The following PDCD5 variants were observed in gnomAD, a reference collection of about 807,000 sequenced individuals.
PDCD5 encodes programmed cell death protein 5.
Under a neutral mutation model 21.9 loss-of-function variants are expected in PDCD5, and 23 were observed. The ratio of observed to expected loss-of-function variants is 1.05; its 90% CI spans 0.76 to 1.49. PDCD5 has a LOEUF of 1.49. Ranked by LOEUF, PDCD5 falls within the 40% of genes most tolerant of loss-of-function variation. The probability of loss-of-function intolerance (pLI) is 0.00; values close to 1 mark genes in which losing one functional copy is unlikely to be tolerated. For synonymous variants in PDCD5, 45 were observed against 49.4 expected (o/e 0.91, Z 0.37); for missense variants, 152 against 147.7 (o/e 1.03, Z -0.15).
chr19:32,586,831 T>TTTTC lies in PDCD5; in HGVS notation c.259-24_259-21dup, dbSNP rs145543278. On this transcript the variant is annotated intron_variant, in intron 4 of 5. Coordinates refer to ENST00000590247, the MANE Select transcript of PDCD5 (RefSeq NM_004708.4). ...AATTCTTTGTTTAAAAAAGTACTGT[T>TTTTC]TTTCTTATCTTTTCTGGTTCTCCTA... is the stretch of plus-strand genomic sequence containing the variant. The TTTTC allele has an allele frequency of 4.3e-3, 6,789 of 1,591,914 alleles. 143 individuals are homozygous for TTTTC. The East Asian group carries it at 0.064, about 15-fold the overall frequency.
intron 2 of PDCD5, among the ~76,000 whole-genome samples, chr19:32,583,079 C>T (rs1023355676): frequency 1.3e-5 from 2 of 152,146 alleles, no homozygotes; most frequent in Non-Finnish European, 2.9e-5. Flanking sequence ...CAGATTCTTC[C>T]AGAGGGGATT....
intron 5 of PDCD5, 119 bp downstream of exon 5, chr19:32,587,048 G>T: frequency 1.0e-6 from 1 of 998,730 alleles, no homozygotes; most frequent in Non-Finnish European, 1.5e-6. Context: ...TGTCAAACAC[G>T]TGAAAGTTTG....
intron 1 of PDCD5, 72 bp from the exon 2 acceptor site, chr19:32,582,123 C>A: frequency 1.9e-6 from 2 of 1,065,280 alleles, no homozygotes; most frequent in Non-Finnish European, 2.9e-6. Flanking sequence ...GTATAGGAAA[C>A]AACAGAACCG....
Position 32,581,247 on chromosome 19 carries a change from C to CGGCTGCGAGAGTGACCGCG in PDCD5, c.-14_-13insGCTGCGAGAGTGACCGCGG. 1 of 1,493,942 alleles carries CGGCTGCGAGAGTGACCGCG rather than the reference C, an allele frequency of 6.7e-7. No homozygotes were observed. Among genetic ancestry groups the CGGCTGCGAGAGTGACCGCG allele is most frequent in the Non-Finnish European group, 8.9e-7 (1 of 1,120,880 alleles). The allele number at this position is 1,493,942 out of a possible 1,614,324, so 92.5% of individuals were successfully genotyped here. A position where few individuals can be genotyped will look rare whatever the true frequency, so the allele number is the denominator to read the frequency against. ...GCGAGAGTGACCGCGGCTGCTCCAG[C>CGGCTGCGAGAGTGACCGCG]GCTGACGCCGAGCCATGGCGGACGA... On this transcript the variant is annotated 5_prime_UTR_variant, in exon 1 of 6. Coordinates refer to ENST00000590247, the MANE Select transcript of PDCD5 (RefSeq NM_004708.4).
chr19:32,586,824 G>C, intron 4 of PDCD5, 34 bp from the exon 5 acceptor site: 1 of 1,589,568 alleles, frequency 6.3e-7, no homozygotes, highest in Non-Finnish European at 8.5e-7. Context: ...GTTTAAAAAA[G>C]TACTGTTTTT....
intron 4 of PDCD5, chr19:32,586,180 G>A: frequency 6.9e-7 from 1 of 1,449,944 alleles, no homozygotes; most frequent in South Asian, 1.5e-5. Context: ...CCCCTGCACT[G>A]GAAGCAAGGT....
chr19:32,586,178 C>CTG (rs1286919514), intron 4 of PDCD5: 42 of 1,451,316 alleles, frequency 2.9e-5, no homozygotes, highest in Non-Finnish European at 3.8e-5. Flanking sequence ...TGCCCCTGCA[C>CTG]TGGAAGCAAG....
chr19:32,585,518 T>C (rs1479836261), intron 3 of PDCD5, among the ~76,000 whole-genome samples: 3 of 152,310 alleles, frequency 2.0e-5, no homozygotes, highest in East Asian at 1.9e-4. Context: ...TTATGTGTAA[T>C]AGATAAACCG....
At chr19:32,586,989 G>A in intron 5 of PDCD5, 60 bp downstream of exon 5, 1 of 1,320,758 alleles carries the variant, frequency 7.6e-7, no homozygotes, top group Non-Finnish European at 1.1e-6. Context: ...GATTAATGTT[G>A]AGTATACATC....
Position 32,584,890 on chromosome 19 carries a change from G to A in PDCD5, c.105-60G>A, listed in dbSNP as rs1466592401. 4.4e-6 allele frequency: 6 copies of A among 1,373,564 alleles called. No individual in the cohort carries two copies. The East Asian group carries it at 9.1e-5, about 21-fold the overall frequency. 85.1% of individuals were successfully genotyped at this position (1,373,564 alleles called of 1,614,324 possible). ...ATACTGGATGGGTTCTTTCTCGTATGTTACATGGGAATGCCGACAGCTGTG... is the reference window on the plus strand; with the variant it reads ...ATACTGGATGGGTTCTTTCTCGTATATTACATGGGAATGCCGACAGCTGTG... On this transcript the variant is annotated intron_variant, in intron 2 of 5. Coordinates refer to ENST00000590247, the MANE Select transcript of PDCD5 (RefSeq NM_004708.4).
Position 32,581,251 on chromosome 19 carries a change from G to A in PDCD5, c.-11G>A. ...GAGTGACCGCGGCTGCTCCAGCGCT[G>A]ACGCCGAGCCATGGCGGACGAGGAG... is the stretch of plus-strand genomic sequence containing the variant. On this transcript the variant is annotated 5_prime_UTR_variant, in exon 1 of 6. Transcript: ENST00000590247. The A allele has an allele frequency of 6.7e-7, 1 of 1,500,272 alleles. No individual in the cohort carries two copies. Among genetic ancestry groups the A allele is most frequent in the Non-Finnish European group, 8.9e-7 (1 of 1,125,304 alleles). The allele number at this position is 1,500,272 out of a possible 1,614,324, so 92.9% of individuals were successfully genotyped here. A position where few individuals can be genotyped will look rare whatever the true frequency, so the allele number is the denominator to read the frequency against.
intron 2 of PDCD5, among the ~76,000 whole-genome samples, chr19:32,584,087 C>T (rs1175413809): frequency 6.6e-6 from 1 of 152,164 alleles, no homozygotes; most frequent in Non-Finnish European, 1.5e-5. Context: ...CCACCTCAGC[C>T]TCCCAAAGTG....
At chr19:32,586,756 CTT>C in intron 4 of PDCD5, 100 bp from the exon 5 acceptor site, 1 of 1,457,642 alleles carries the variant, frequency 6.9e-7, no homozygotes, top group Non-Finnish European at 9.0e-7. Context: ...TTCCTGAGCT[CTT>C]TCCCCACACC....
At chr19:32,581,786 C>T in intron 1 of PDCD5, 1 of 216,816 alleles carries the variant, frequency 4.6e-6, no homozygotes, top group Non-Finnish European at 8.9e-6. Flanking sequence ...AGGGAGGGGC[C>T]GCCTGGGAAG....
At chr19:32,582,848 C>G (rs1210018970) in intron 2 of PDCD5, among the ~76,000 whole-genome samples, 1 of 152,170 alleles carries the variant, frequency 6.6e-6, no homozygotes. Context: ...CTTACTCCTC[C>G]TCTCCAGCAA....
rs530343146 is a variant in PDCD5 at position 32,585,644 on chromosome 19, C to T, written c.167-172C>T. On this transcript the variant is annotated intron_variant, in intron 3 of 5. Transcript: ENST00000590247. ...CCCCATGTGCCCATGTGGAGATTGG[C>T]ATGGGTGAACTTCAGTTTTCTCATT... 1.2e-4 allele frequency among the ~76,000 whole-genome samples: 19 copies of T among 152,300 alleles called. No homozygotes were observed. The East Asian group carries it at 2.7e-3, about 22-fold the overall frequency.
intron 1 of PDCD5, 99 bp downstream of exon 1, chr19:32,581,426 C>T (rs541813258): frequency 1.2e-5 from 9 of 720,738 alleles, no homozygotes; most frequent in Middle Eastern, 4.5e-4. Flanking sequence ...GGGCGCCTCC[C>T]CGGGGCCCCG....
At chr19:32,586,796 T>G (rs961972017) in intron 4 of PDCD5, 62 bp from the exon 5 acceptor site, 53 of 1,571,284 alleles carry the variant, frequency 3.4e-5, no homozygotes, top group Non-Finnish European at 4.2e-5. Context: ...TGATTCCATC[T>G]GCAGAGGTAA....
rs1307397256 is a variant in PDCD5, at chr19:32,582,234, T to C, written c.104+2T>C. The C allele has an allele frequency of 6.2e-7, 1 of 1,612,078 alleles. No homozygotes were observed. Among genetic ancestry groups the C allele is most frequent in the Non-Finnish European group, 8.5e-7 (1 of 1,178,434 alleles). ...GGCCCAACAGGAAGCAAAGCACAGG[T>C]ATGGGCTGGAAACGTGAACTTTTTG... On this transcript the variant is annotated splice_donor_variant, in intron 2 of 5. Coordinates refer to ENST00000590247, the MANE Select transcript of PDCD5 (RefSeq NM_004708.4). LOFTEE classifies it high-confidence loss of function.
Sources: gnomAD v4.1 joint callset for allele counts (sites outside exome capture counted in the v4.1 genomes callset) on GRCh38, gnomAD v4.1.1 for gene constraint, MANE v1.5 for transcripts, NCBI Gene and HGNC (gene_info 2026-07-23, HGNC 2026-07-21) for gene names.